The following PGAP1 variants were observed in gnomAD, a reference collection of about 807,000 sequenced individuals.
The protein encoded by PGAP1 is post-GPI attachment to proteins inositol deacylase 1.
In PGAP1, 76 loss-of-function variants were observed where a neutral mutation model predicts 127.0. That is an observed-to-expected ratio of 0.60 (90% CI 0.50 to 0.72). PGAP1 has a LOEUF of 0.72. PGAP1 is among the 30% of genes least tolerant of loss of function. The probability of loss-of-function intolerance (pLI) is 0.00; values close to 1 mark genes in which losing one functional copy is unlikely to be tolerated. For synonymous variants in PGAP1, 362 were observed against 366.5 expected (o/e 0.99, Z 0.14); for missense variants, 982 against 1,071.3 (o/e 0.92, Z 1.16).
At chr2:196,893,310 G>C in intron 7 of PGAP1, 65 bp from the exon 8 acceptor site, 1 of 874,970 alleles carries the variant, frequency 1.1e-6, no homozygotes, top group Middle Eastern at 2.4e-4. Flanking sequence ...ATGAAACATT[G>C]CTTCAGTAAT....
At chr2:196,904,024 A>G (rs1702595427) in intron 4 of PGAP1, among the ~76,000 whole-genome samples, 1 of 152,200 alleles carries the variant, frequency 6.6e-6, no homozygotes, top group African/African-American at 2.4e-5. Context: ...CTGGGATGTT[A>G]AGTACCAGTG....
chr2:196,900,996 C>T (rs933177359), intron 5 of PGAP1, among the ~76,000 whole-genome samples: 1 of 152,136 alleles, frequency 6.6e-6, no homozygotes, highest in Non-Finnish European at 1.5e-5. Context: ...AGTACACACA[C>T]ACCCATGCCT....
Position 196,920,046 on chromosome 2 carries a change from C to T in PGAP1, c.252G>A (p.Thr84=), listed in dbSNP as rs375005893. The change falls in exon 2 of 27, where the codon ACG becomes ACA. Residue 84 remains threonine (T), a synonymous_variant. Transcript: ENST00000354764. Reference sequence around the variant, plus strand: ...CAGGAAGAAAGAGAACTGGAATACCCGTCAAAGGGAGAATTTTGTGTTCTT... The same window carrying T: ...CAGGAAGAAAGAGAACTGGAATACCTGTCAAAGGGAGAATTTTGTGTTCTT... ...YAEEHKILPL[T]GIPVLFLPGN... is the part of the protein sequence containing the mutation. The T allele has an allele frequency of 4.3e-5, 70 of 1,612,802 alleles. No homozygotes were observed. Among genetic ancestry groups the T allele is most frequent in the Non-Finnish European group, 5.6e-5 (66 of 1,179,350 alleles).
chr2:196,849,680 A>G (rs1700662081), intron 20 of PGAP1, among the ~76,000 whole-genome samples: 1 of 152,196 alleles, frequency 6.6e-6, no homozygotes, highest in Non-Finnish European at 1.5e-5. Context: ...CACTAAAGGC[A>G]GACTTGAAAT....
chr2:196,922,505 G>C (rs1240407951), intron 1 of PGAP1: 1 of 969,830 alleles, frequency 1.0e-6, no homozygotes, highest in East Asian at 1.2e-4. Flanking sequence ...GAATTTTTCA[G>C]ACTTGTCTCT....
intron 19 of PGAP1, among the ~76,000 whole-genome samples, chr2:196,870,322 A>C (rs1576127548): frequency 7.3e-6 from 1 of 137,712 alleles, no homozygotes; most frequent in Non-Finnish European, 1.5e-5. Flanking sequence ...TTTGAGATGG[A>C]GTCTCCCTTT....
intron 13 of PGAP1, 150 bp downstream of exon 13, chr2:196,879,926 G>A: frequency 3.4e-6 from 2 of 581,964 alleles, no homozygotes; most frequent in Non-Finnish European, 6.0e-6. Flanking sequence ...AGTTAGAGTA[G>A]ATGATCCTAA....
rs777233213 is a variant in PGAP1 at position 196,836,239 on chromosome 2, T to C, written c.*4995A>G. ...GGTATTTCAAAACACAGATTGTTTTTGGCAGCATAACATGCCAAACACTTT... is the reference window on the plus strand; with the variant it reads ...GGTATTTCAAAACACAGATTGTTTTCGGCAGCATAACATGCCAAACACTTT... On this transcript the variant is annotated 3_prime_UTR_variant, in exon 27 of 27. Transcript: ENST00000354764. The C allele has an allele frequency of 2.0e-5, 3 of 152,538 alleles. No homozygotes were observed. The highest frequency in any genetic ancestry group is 2.9e-5 in the Non-Finnish European group (2 of 67,952). The allele number at this position is 152,538 out of a possible 1,614,324, so 9.4% of individuals were successfully genotyped here.
rs189071763 is a variant in PGAP1 at position 196,868,759 on chromosome 2, A to T, written c.1767+2182T>A. Among the ~76,000 whole-genome samples, 164 of 152,290 alleles carry T rather than the reference A, an allele frequency of 1.1e-3. No homozygotes were observed. The East Asian group carries it at 0.019, about 18-fold the overall frequency. On this transcript the variant is annotated intron_variant, in intron 19 of 26. Coordinates refer to ENST00000354764, the MANE Select transcript of PGAP1 (RefSeq NM_024989.4). ...TTTCAGAAAAAAATTTAACTTTATG[A>T]AAAGTTATCTATTGAAGGCTGAAGT...
At chr2:196,915,979 C>T (rs932743545) in intron 3 of PGAP1, among the ~76,000 whole-genome samples, 1 of 152,180 alleles carries the variant, frequency 6.6e-6, no homozygotes, top group Non-Finnish European at 1.5e-5. Context: ...CCAGAGCAAT[C>T]ATGGAGCTTA....
intron 11 of PGAP1, 90 bp from the exon 12 acceptor site, chr2:196,885,565 C>T (rs1701872026): frequency 1.1e-6 from 1 of 944,288 alleles, no homozygotes; most frequent in African/African-American, 1.7e-5. Flanking sequence ...AAGAAACCAT[C>T]TCTACACCTA....
At position 196,840,857 on chromosome 2, in the gene PGAP1, T is replaced by C. The variant is rs1700390173; in HGVS notation, c.*377A>G. 1 of 161,436 alleles carries C rather than the reference T, an allele frequency of 6.2e-6. No homozygotes were observed. The highest frequency in any genetic ancestry group is 2.4e-5 in the African/African-American group (1 of 41,866). 10.0% of individuals were successfully genotyped at this position (161,436 alleles called of 1,614,324 possible). A position where few individuals can be genotyped will look rare whatever the true frequency, so the allele number is the denominator to read the frequency against. ...ATAACCTACTTTTGTGAAAAAAAGT[T>C]TGATGAAATGAGCAGAATGCTTGCA... On this transcript the variant is annotated 3_prime_UTR_variant, in exon 27 of 27. Coordinates refer to ENST00000354764, the MANE Select transcript of PGAP1 (RefSeq NM_024989.4).
Position 196,920,158 on chromosome 2 carries a change from T to TA in PGAP1, c.148-9dup. 1.1e-5 allele frequency: 17 copies of TA among 1,587,308 alleles called. No homozygotes were observed. Among genetic ancestry groups the TA allele is most frequent in the South Asian group, 4.7e-5 (4 of 85,530 alleles). On this transcript the variant is annotated splice_polypyrimidine_tract_variant and intron_variant, in intron 1 of 26. Coordinates refer to ENST00000354764, the MANE Select transcript of PGAP1 (RefSeq NM_024989.4). The stretch of plus-strand genomic sequence containing the variant: ...CTTTGGAAGTTCTATTTTCTACATT[T>TA]AAAAAAAAGTAGTTTCACTTTAATC...
intron 22 of PGAP1, 66 bp downstream of exon 22, chr2:196,846,937 G>T (rs1700571077): frequency 4.6e-6 from 6 of 1,294,408 alleles, no homozygotes; most frequent in African/African-American, 1.5e-5. Context: ...TTAATTTCAG[G>T]TTCCTTATCA....
intron 12 of PGAP1, among the ~76,000 whole-genome samples, chr2:196,882,063 A>G (rs1327350380): frequency 2.0e-5 from 3 of 152,230 alleles, no homozygotes; most frequent in Non-Finnish European, 2.9e-5. Context: ...AACCTTCTGC[A>G]TAAGGCTAGG....
chr2:196,864,961 A>T, intron 20 of PGAP1, 26 bp downstream of exon 20: 1 of 1,312,538 alleles, frequency 7.6e-7, no homozygotes, highest in Non-Finnish European at 1.0e-6. Flanking sequence ...TAACAAAAGT[A>T]ACTTAAAAAT....
intron 3 of PGAP1, among the ~76,000 whole-genome samples, chr2:196,915,956 T>G (rs1702991109): frequency 6.6e-6 from 1 of 152,176 alleles, no homozygotes; most frequent in Non-Finnish European, 1.5e-5. Context: ...GGAAAACGCT[T>G]CCGGGCAGAA....
intron 20 of PGAP1, among the ~76,000 whole-genome samples, chr2:196,854,085 G>T (rs1322720120): frequency 6.6e-6 from 1 of 151,594 alleles, no homozygotes; most frequent in Non-Finnish European, 1.5e-5. Context: ...TTTGTACAGA[G>T]AGGGTTTCAC....
chr2:196,889,689 T>A (rs1028299537), intron 10 of PGAP1, among the ~76,000 whole-genome samples: 1 of 1,114 alleles, frequency 9.0e-4, no homozygotes, highest in Non-Finnish European at 0.013. Flanking sequence ...ACCCTGTCTC[T>A]ACTAAAAAAA....
Sources: allele counts gnomAD v4.1 joint callset (sites outside exome capture counted in the v4.1 genomes callset), GRCh38; gene constraint gnomAD v4.1.1; transcripts MANE v1.5; gene names NCBI Gene and HGNC (gene_info 2026-07-23, HGNC 2026-07-21).